Variants in ANO10 observed in about 807,000 individuals in gnomAD.
The protein encoded by ANO10 is anoctamin-10.
A neutral mutation model predicts 74.7 loss-of-function variants in ANO10; 77 were observed. The observed-to-expected ratio is 1.03, with a 90% CI of 0.86 to 1.25. The LOEUF is 1.25. Ranked by LOEUF, ANO10 falls within the 50% of genes most tolerant of loss-of-function variation. ANO10 has a pLI of 0.00. For missense variants in ANO10, 721 were observed against 778.1 expected (o/e 0.93, Z 0.87); for synonymous variants, 279 against 284.9 (o/e 0.98, Z 0.21).
chr3:43,513,727 G>T (rs1186763934), intron 11 of ANO10, among the ~76,000 whole-genome samples: 1 of 152,044 alleles, frequency 6.6e-6, no homozygotes, highest in Non-Finnish European at 1.5e-5. Flanking sequence ...AGCCAGGATG[G>T]TCTTGATCTC....
At chr3:43,619,173 G>A (rs2083266963) in intron 1 of ANO10, among the ~76,000 whole-genome samples, 1 of 152,158 alleles carries the variant, frequency 6.6e-6, no homozygotes, top group East Asian at 1.9e-4. Context: ...CCCTTCTAAG[G>A]GATAGGTTTT....
At chr3:43,641,335 T>C (rs1161424777) in intron 1 of ANO10, among the ~76,000 whole-genome samples, 1 of 152,196 alleles carries the variant, frequency 6.6e-6, no homozygotes, top group Non-Finnish European at 1.5e-5. Context: ...TTGGAGAAAA[T>C]TCCAAATCAC....
intron 6 of ANO10, among the ~76,000 whole-genome samples, chr3:43,575,190 G>A (rs1252235724): frequency 3.3e-5 from 5 of 152,198 alleles, no homozygotes; most frequent in Non-Finnish European, 7.4e-5. Flanking sequence ...ACTAATAATA[G>A]TAACCTCTAG....
rs539092426 is a variant in ANO10 at position 43,664,452 on chromosome 3, A to G, written c.-12+27065T>C. Among the ~76,000 whole-genome samples, 46 of 152,324 alleles carry G rather than the reference A, an allele frequency of 3.0e-4. 1 individual carries two copies. On this transcript the variant is annotated intron_variant, in intron 1 of 3. Coordinates refer to the ANO10 transcript ENST00000413397. ...CCTAGAAGAAAACCTGGGCAATACC[A>G]TTCAGGACACAGGCATGGGCAAAGA...
chr3:43,684,977 T>G (rs2084256414), intron 1 of ANO10, among the ~76,000 whole-genome samples: 1 of 152,206 alleles, frequency 6.6e-6, no homozygotes, highest in Non-Finnish European at 1.5e-5. Context: ...ATATATCTAA[T>G]GTTAAACGAA....
At chr3:43,593,206 C>T (rs2149455729) in intron 4 of ANO10, among the ~76,000 whole-genome samples, 1 of 152,282 alleles carries the variant, frequency 6.6e-6, no homozygotes, top group Non-Finnish European at 1.5e-5. Context: ...TCCAAGAGAA[C>T]TTCCCCAACC....
At position 43,574,802 on chromosome 3, in the gene ANO10, T is replaced by C; in HGVS notation, c.1218+7A>G. 6.2e-7 allele frequency: 1 copy of C among 1,611,600 alleles called. No homozygotes were observed. Among genetic ancestry groups the C allele is most frequent in the Non-Finnish European group, 8.5e-7 (1 of 1,177,728 alleles). On this transcript the variant is annotated splice_region_variant and intron_variant, in intron 7 of 12. Transcript: ENST00000292246. ...AAAATGGATTTGTACATAAACGCTG[T>C]ACTTACCACTAAAACTTTCAGAATT...
In ANO10 at chr3:43,572,080, C is replaced by T. The variant is rs146816829; in HGVS notation, c.1218+2729G>A. Reference sequence around the variant, plus strand: ...CACAGCACGTGCACACCTTAAGTTCCCCCACCCAACAGAAGGAGGAGACCA... The same window carrying T: ...CACAGCACGTGCACACCTTAAGTTCTCCCACCCAACAGAAGGAGGAGACCA... On this transcript the variant is annotated intron_variant, in intron 7 of 12. Transcript: ENST00000292246. Among the ~76,000 whole-genome samples the T allele has an allele frequency of 3.6e-3, 543 of 152,226 alleles. 3 individuals carry two copies. Among genetic ancestry groups the T allele is most frequent in the Non-Finnish European group, 6.3e-3 (428 of 68,018 alleles).
At chr3:43,400,904 G>A (rs1395656641) in intron 12 of ANO10, among the ~76,000 whole-genome samples, 4 of 152,206 alleles carry the variant, frequency 2.6e-5, no homozygotes, top group African/African-American at 7.2e-5. Context: ...CACAGGTCAA[G>A]TAGGAACGTA....
chr3:43,448,072 T>C (rs2093275153), intron 11 of ANO10, among the ~76,000 whole-genome samples: 1 of 152,118 alleles, frequency 6.6e-6, no homozygotes, highest in South Asian at 2.1e-4. Context: ...AGATAAGAAA[T>C]GGAAGACAGA....
intron 12 of ANO10, among the ~76,000 whole-genome samples, chr3:43,376,778 G>A (rs1475214959): frequency 1.3e-5 from 2 of 152,176 alleles, no homozygotes; most frequent in Non-Finnish European, 2.9e-5. Context: ...CTTTGGCATG[G>A]CTCCTTTCTA....
At chr3:43,391,759 G>A (rs1026328875) in intron 12 of ANO10, among the ~76,000 whole-genome samples, 1 of 152,158 alleles carries the variant, frequency 6.6e-6, no homozygotes, top group African/African-American at 2.4e-5. Flanking sequence ...GAGTGAGCCT[G>A]GAAATGGATC....
intron 11 of ANO10, among the ~76,000 whole-genome samples, chr3:43,447,191 C>T (rs79308793): frequency 1.3e-5 from 2 of 152,126 alleles, no homozygotes; most frequent in Admixed American, 1.3e-4. Flanking sequence ...TCATTTTGTG[C>T]ACAGGCAAGT....
intron 11 of ANO10, among the ~76,000 whole-genome samples, chr3:43,492,624 A>C (rs2076766478): frequency 6.6e-6 from 1 of 152,248 alleles, no homozygotes; most frequent in Non-Finnish European, 1.5e-5. Flanking sequence ...AAAATGGGCA[A>C]AGGATATGAA....
chr3:43,389,762 C>T (rs564646367), intron 12 of ANO10, among the ~76,000 whole-genome samples: 13 of 152,296 alleles, frequency 8.5e-5, no homozygotes, highest in African/African-American at 3.1e-4. Flanking sequence ...AGGATAAAAA[C>T]TACCATTCTT....
At chr3:43,409,171 T>C (rs1192444913) in intron 12 of ANO10, among the ~76,000 whole-genome samples, 2 of 152,174 alleles carry the variant, frequency 1.3e-5, no homozygotes, top group South Asian at 4.1e-4. Context: ...CTACCACTAC[T>C]ACCTCCACTG....
intron 1 of ANO10, among the ~76,000 whole-genome samples, chr3:43,675,960 C>G (rs1056403232): frequency 1.3e-5 from 2 of 152,146 alleles, no homozygotes; most frequent in Non-Finnish European, 2.9e-5. Flanking sequence ...ACACAAAAAC[C>G]TGTACATAAA....
chr3:43,493,126 T>C (rs553705450), intron 11 of ANO10, among the ~76,000 whole-genome samples: 24 of 152,330 alleles, frequency 1.6e-4, no homozygotes, highest in Non-Finnish European at 2.5e-4. Flanking sequence ...GATGAGTTCA[T>C]GTCCTTTGCA....
At chr3:43,535,270 T>C (rs2078661178) in intron 11 of ANO10, among the ~76,000 whole-genome samples, 2 of 146,392 alleles carry the variant, frequency 1.4e-5, no homozygotes, top group African/African-American at 5.0e-5. Context: ...AGACATTCTT[T>C]TTTTTTTTTT....
Sources: allele counts gnomAD v4.1 joint callset (sites outside exome capture counted in the v4.1 genomes callset), GRCh38; gene constraint gnomAD v4.1.1; transcripts MANE v1.5; gene names NCBI Gene and HGNC (gene_info 2026-07-23, HGNC 2026-07-21).